TPCN2: variants seen among roughly 807,000 people sequenced by gnomAD.
TPCN2 encodes two pore segment channel 2, also known as two pore channel protein 2.
TPCN2 carries 92 observed loss-of-function variants against 111.4 expected under a neutral mutation model. The ratio of observed to expected loss-of-function variants is 0.83; its 90% CI spans 0.70 to 0.98. TPCN2 has a LOEUF of 0.98. TPCN2 is among the 50% of genes least tolerant of loss of function. The probability of loss-of-function intolerance (pLI) is 0.00; values close to 1 mark genes in which losing one functional copy is unlikely to be tolerated. For synonymous variants in TPCN2, 405 were observed against 414.5 expected (o/e 0.98, Z 0.28); for missense variants, 995 against 980.1 (o/e 1.02, Z -0.20).
Position 69,079,004 on chromosome 11 carries a change from T to C in TPCN2, c.1523T>C (p.Leu508Pro). Residue 508 changes from leucine to proline, a missense_variant, in exon 16 of 25, where the codon CTC becomes CCC. By Grantham distance (98) the Leu-to-Pro change is moderately conservative. Coordinates refer to ENST00000294309, the MANE Select transcript of TPCN2 (RefSeq NM_139075.4). Reference sequence around the variant, plus strand: ...CCCAGCAACGTGTTTGACGGGCTCCTCACCGTTGTCCTGCTGGTAAAGTAG... The same window carrying C: ...CCCAGCAACGTGTTTGACGGGCTCCCCACCGTTGTCCTGCTGGTAAAGTAG... ...SYPSNVFDGL[L>P]TVVLLVLEIS... 6.2e-7 allele frequency: 1 copy of C among 1,612,408 alleles called. No individual in the cohort carries two copies. The highest frequency in any genetic ancestry group is 1.1e-5 in the South Asian group (1 of 90,856).
Position 69,071,865 on chromosome 11 carries a change from C to T in TPCN2, c.961-58C>T, listed in dbSNP as rs967993119. 5.5e-5 allele frequency: 83 copies of T among 1,511,862 alleles called. No homozygotes were observed. The Middle Eastern group carries it at 1.0e-3, about 19-fold the overall frequency. The allele number at this position is 1,511,862 out of a possible 1,614,324, so 93.7% of individuals were successfully genotyped here. A position where few individuals can be genotyped will look rare whatever the true frequency, so the allele number is the denominator to read the frequency against. On this transcript the variant is annotated intron_variant, in intron 10 of 24. Coordinates refer to ENST00000294309, the MANE Select transcript of TPCN2 (RefSeq NM_139075.4). The stretch of plus-strand genomic sequence containing the variant: ...CCTGTTCCCCAGGGGAGGGAAGGGT[C>T]GGGGGTTCTGAGCTGGGGGAGGGCT...
chr11:69,064,515 C>T (rs192041537), intron 7 of TPCN2, among the ~76,000 whole-genome samples: 4 of 152,298 alleles, frequency 2.6e-5, no homozygotes, highest in South Asian at 2.1e-4. Context: ...GCGGCTGCCC[C>T]GGGGCCCAGC....
intron 1 of TPCN2, among the ~76,000 whole-genome samples, chr11:69,051,817 G>C (rs1258772602): frequency 6.6e-6 from 1 of 152,196 alleles, no homozygotes; most frequent in Non-Finnish European, 1.5e-5. Context: ...GTAAAGGGTT[G>C]GAGGCTTTGG....
In TPCN2 at chr11:69,077,371, C is replaced by CTGCCCTCCTGTCATGTCCCTCCACT. The variant is rs1855838743; in HGVS notation, c.1231-1101_1231-1100insTCATGTCCCTCCACTTGCCCTCCTG. On this transcript the variant is annotated intron_variant, in intron 13 of 24. Transcript: ENST00000294309. Reference sequence around the variant, plus strand: ...CTGCCCTCCTGCCATGTCCCTCCACCTGCCCTCCTGCCCTCCTGCTGTGTC... The same window carrying CTGCCCTCCTGTCATGTCCCTCCACT: ...CTGCCCTCCTGCCATGTCCCTCCACCTGCCCTCCTGTCATGTCCCTCCACTTGCCCTCCTGCCCTCCTGCTGTGTC... Among the ~76,000 whole-genome samples, 13 of 62,104 alleles carry CTGCCCTCCTGTCATGTCCCTCCACT rather than the reference C, an allele frequency of 2.1e-4. 1 individual carries two copies. Among genetic ancestry groups the CTGCCCTCCTGTCATGTCCCTCCACT allele is most frequent in the South Asian group, 5.2e-4 (1 of 1,936 alleles). The allele number at this position is 62,104 out of a possible 152,430, so 40.7% of individuals were successfully genotyped here.
In TPCN2 at chr11:69,063,952, G is replaced by A. The variant is rs116405128; in HGVS notation, c.711G>A (p.Leu237=). ...TCTTCACCATGTTCGGAATGCTGCTGTTCGCTGGTGGGAAGGTAGGGCACC... is the reference window on the plus strand; with the variant it reads ...TCTTCACCATGTTCGGAATGCTGCTATTCGCTGGTGGGAAGGTAGGGCACC... ...LCLFTMFGML[L]FAGGKQDDGQ... Residue 237 remains leucine, a synonymous_variant, in exon 7 of 25, where the codon CTG becomes CTA. Transcript: ENST00000294309. 1.8e-3 allele frequency: 2,865 copies of A among 1,614,112 alleles called. 47 individuals are homozygous for A. In the African/African-American group the frequency reaches 0.035, roughly 20 times the overall value.
At chr11:69,067,416 G>A (rs1855319818) in intron 7 of TPCN2, 87 bp from the exon 8 acceptor site, 3 of 1,270,594 alleles carry the variant, frequency 2.4e-6, no homozygotes, top group South Asian at 2.4e-5. Context: ...CGGGTGGATG[G>A]TTCCAGCCGG....
At chr11:69,085,781 T>A in intron 21 of TPCN2, 29 bp downstream of exon 21, 1 of 1,593,584 alleles carries the variant, frequency 6.3e-7, no homozygotes, top group Non-Finnish European at 8.6e-7. Flanking sequence ...CCCAGCACCC[T>A]GCTCCCCGGG....
At chr11:69,055,501 A>C in intron 4 of TPCN2, 149 bp downstream of exon 4, 2 of 829,474 alleles carry the variant, frequency 2.4e-6, no homozygotes, top group Non-Finnish European at 3.6e-6. Context: ...ACTTTCTTGG[A>C]CAAGCAAGTG....
intron 11 of TPCN2, 81 bp from the exon 12 acceptor site, chr11:69,072,546 G>T: frequency 7.0e-7 from 1 of 1,438,832 alleles, no homozygotes; most frequent in Non-Finnish European, 9.6e-7. Flanking sequence ...CAAGCCAGAC[G>T]CCAGGGCAGG....
intron 19 of TPCN2, among the ~76,000 whole-genome samples, chr11:69,084,508 C>T (rs972461903): frequency 3.3e-5 from 5 of 152,116 alleles, no homozygotes; most frequent in Non-Finnish European, 7.4e-5. Flanking sequence ...GGCCAGCCTT[C>T]CAGCTGAGGA....
At chr11:69,073,593 G>A (rs1193932470) in intron 13 of TPCN2, among the ~76,000 whole-genome samples, 1 of 152,252 alleles carries the variant, frequency 6.6e-6, no homozygotes. Flanking sequence ...CGTTTGCTCA[G>A]GCTCCTGGGA....
chr11:69,086,987 G>C, intron 23 of TPCN2, 125 bp from the exon 24 acceptor site: 2 of 759,306 alleles, frequency 2.6e-6, no homozygotes, highest in Non-Finnish European at 4.4e-6. Context: ...GTGCCTGGGT[G>C]TCCAGGGTGA....
intron 5 of TPCN2, among the ~76,000 whole-genome samples, chr11:69,060,686 G>A (rs1854982174): frequency 1.3e-5 from 2 of 152,218 alleles, no homozygotes; most frequent in Admixed American, 1.3e-4. Context: ...TTGGGCTCTT[G>A]TGTCTGGGGA....
intron 7 of TPCN2, among the ~76,000 whole-genome samples, chr11:69,066,873 A>G (rs10444363): frequency 0.44 from 66,224 of 152,078 alleles, 14,840 homozygotes; most frequent in Non-Finnish European, 0.5. Flanking sequence ...AGTCTCAAGC[A>G]GAGTTGCTTT....
chr11:69,073,923 C>G (rs1227039995), intron 13 of TPCN2, among the ~76,000 whole-genome samples: 1 of 152,200 alleles, frequency 6.6e-6, no homozygotes. Flanking sequence ...ACGTGGTCAT[C>G]CCTCTGTGTG....
At chr11:69,055,615 T>C (rs1263198009) in intron 4 of TPCN2, among the ~76,000 whole-genome samples, 1 of 149,892 alleles carries the variant, frequency 6.7e-6, no homozygotes, top group Non-Finnish European at 1.5e-5. Flanking sequence ...CTGAGGCCAG[T>C]GTGCCGTCAG....
chr11:69,057,255 C>A (rs757406840), intron 4 of TPCN2, among the ~76,000 whole-genome samples: 1 of 152,238 alleles, frequency 6.6e-6, no homozygotes, highest in African/African-American at 2.4e-5. Context: ...ATTTTTCTAG[C>A]CTTTTCCAGA....
rs924137684 is a variant in TPCN2, at chr11:69,057,835, C to T, written c.546+141C>T. The T allele has an allele frequency of 2.8e-5, 20 of 704,330 alleles. No individual in the cohort carries two copies. In the East Asian group the frequency reaches 4.6e-4, roughly 16 times the overall value. 43.6% of individuals were successfully genotyped at this position (704,330 alleles called of 1,614,324 possible). A position where few individuals can be genotyped will look rare whatever the true frequency, so the allele number is the denominator to read the frequency against. The stretch of plus-strand genomic sequence containing the variant: ...CCAGCACTGCCCACCTCCCATGGCA[C>T]TTCCTTCACTTGTTGGCTGGGGATC... On this transcript the variant is annotated intron_variant, in intron 5 of 24. Coordinates refer to ENST00000294309, the MANE Select transcript of TPCN2 (RefSeq NM_139075.4).
intron 22 of TPCN2, among the ~76,000 whole-genome samples, 157 bp from the exon 23 acceptor site, chr11:69,086,365 TG>T (rs1385482439): frequency 6.6e-6 from 1 of 152,144 alleles, no homozygotes; most frequent in Non-Finnish European, 1.5e-5. Flanking sequence ...AGGCCTCAGT[TG>T]GGTTGTTTCT....
Sources: allele counts gnomAD v4.1 joint callset (sites outside exome capture counted in the v4.1 genomes callset), GRCh38; gene constraint gnomAD v4.1.1; transcripts MANE v1.5; gene names NCBI Gene and HGNC (gene_info 2026-07-23, HGNC 2026-07-21).